PPP2R2C: variants seen among roughly 807,000 people sequenced by gnomAD.
The protein encoded by PPP2R2C is protein phosphatase 2 regulatory subunit Bgamma, also known as protein phosphatase 2, regulatory subunit B, gamma.
PPP2R2C carries 10 observed loss-of-function variants against 45.3 expected under a neutral mutation model. The ratio of observed to expected loss-of-function variants is 0.22; its 90% CI spans 0.14 to 0.37. The LOEUF (loss-of-function observed/expected upper bound fraction) is 0.37. Among genes scored for constraint, PPP2R2C ranks in the 10% least tolerant of loss-of-function variants. PPP2R2C has a pLI of 1.00. For synonymous variants in PPP2R2C, 257 were observed against 245.4 expected, an observed-to-expected ratio of 1.05 and a Z score of -0.44; for missense variants, 308 against 619.7, an observed-to-expected ratio of 0.50 and a Z score of 5.34.
chr4:6,407,690 G>A (rs993034980), intron 1 of PPP2R2C, among the ~76,000 whole-genome samples: 4 of 152,184 alleles, frequency 2.6e-5, no homozygotes, highest in Non-Finnish European at 5.9e-5. Context: ...GTAAGCCACT[G>A]AGCCCGGCCA....
At chr4:6,414,385 G>T (rs1273918064) in intron 1 of PPP2R2C, among the ~76,000 whole-genome samples, 1 of 152,132 alleles carries the variant, frequency 6.6e-6, no homozygotes, top group East Asian at 1.9e-4. Flanking sequence ...TAACAAAAGA[G>T]CTTTCCCATT....
At chr4:6,392,334 C>T (rs966374075) in intron 1 of PPP2R2C, among the ~76,000 whole-genome samples, 6 of 151,680 alleles carry the variant, frequency 4.0e-5, no homozygotes, top group Non-Finnish European at 8.8e-5. Flanking sequence ...AGCCCACTCT[C>T]GAATGGGAGA....
At chr4:6,346,376 C>T (rs1423385145) in intron 6 of PPP2R2C, among the ~76,000 whole-genome samples, 1 of 152,176 alleles carries the variant, frequency 6.6e-6, no homozygotes, top group Non-Finnish European at 1.5e-5. Context: ...CAGAGATCGG[C>T]ACCACCCACC....
intron 1 of PPP2R2C, chr4:6,383,400 C>T (rs1260574146): frequency 4.7e-6 from 6 of 1,289,570 alleles, no homozygotes; most frequent in African/African-American, 1.5e-5. Context: ...CAAAAGGTAC[C>T]TCCTCCCCTT....
intron 1 of PPP2R2C, among the ~76,000 whole-genome samples, chr4:6,410,840 G>GC (rs1560526200): frequency 2.0e-4 from 27 of 133,088 alleles, no homozygotes; most frequent in African/African-American, 7.1e-4. Flanking sequence ...TATTCCCCCT[G>GC]TTTTATTTAT....
At chr4:6,510,766 A>G (rs1407670481) in intron 2 of PPP2R2C, among the ~76,000 whole-genome samples, 1 of 152,130 alleles carries the variant, frequency 6.6e-6, no homozygotes, top group East Asian at 1.9e-4. Context: ...CCCCGAGGTC[A>G]GGAGATAGAG....
intron 5 of PPP2R2C, 93 bp from the exon 6 acceptor site, chr4:6,348,103 C>T (rs1424140088): frequency 9.1e-6 from 13 of 1,425,704 alleles, no homozygotes; most frequent in Admixed American, 5.4e-5. Flanking sequence ...GAGGCAAAAC[C>T]GTCCACCCTC....
intron 2 of PPP2R2C, among the ~76,000 whole-genome samples, chr4:6,482,321 G>A (rs1722382517): frequency 6.6e-6 from 1 of 152,200 alleles, no homozygotes; most frequent in Non-Finnish European, 1.5e-5. Flanking sequence ...TGAGGAAACT[G>A]AGGCACCAAG....
intron 5 of PPP2R2C, among the ~76,000 whole-genome samples, chr4:6,365,452 T>C (rs1006669911): frequency 1.3e-5 from 2 of 151,914 alleles, no homozygotes; most frequent in Non-Finnish European, 2.9e-5. Flanking sequence ...CCAGGCCCCA[T>C]ACTCATCGGC....
At chr4:6,497,508 G>A (rs985615912) in intron 2 of PPP2R2C, among the ~76,000 whole-genome samples, 1 of 152,000 alleles carries the variant, frequency 6.6e-6, no homozygotes, top group Non-Finnish European at 1.5e-5. Flanking sequence ...TCAAACCCTA[G>A]ACAAAAATAA....
At chr4:6,326,075 G>A (rs1731917248) in intron 8 of PPP2R2C, among the ~76,000 whole-genome samples, 1 of 152,234 alleles carries the variant, frequency 6.6e-6, no homozygotes, top group South Asian at 2.1e-4. Flanking sequence ...TTGGGCATGT[G>A]ATATCCCTGT....
chr4:6,368,183 T>G lies in PPP2R2C; in HGVS notation c.625+4340A>C, dbSNP rs13149260. 0.79 allele frequency among the ~76,000 whole-genome samples: 120,066 copies of G among 151,972 alleles called. 51,083 individuals are homozygous for G. The highest frequency in any genetic ancestry group is 1 in the East Asian group (5,161 of 5,162). The stretch of plus-strand genomic sequence containing the variant: ...TTTGGTCAATAATCATTATTTTCAC[T>G]CTCTTGCACACACCATCAGCTCCGT... On this transcript the variant is annotated intron_variant, in intron 5 of 8. Coordinates refer to ENST00000382599, the MANE Select transcript of PPP2R2C (RefSeq NM_020416.4). This position sits in a 1 kb window ranked among gnomAD's most constrained non-coding sequence, Gnocchi z 4.2.
At chr4:6,336,564 C>T (rs914682991) in intron 6 of PPP2R2C, among the ~76,000 whole-genome samples, 6 of 151,738 alleles carry the variant, frequency 4.0e-5, no homozygotes, top group East Asian at 3.9e-4. Context: ...CAGGCAGGGC[C>T]GCAGGCAGCA....
rs576351861 is a variant in PPP2R2C at position 6,334,598 on chromosome 4, G to A, written c.791-867C>T. Among the ~76,000 whole-genome samples the A allele has an allele frequency of 4.3e-4, 66 of 152,244 alleles. 1 individual carries two copies. Among genetic ancestry groups the A allele is most frequent in the Non-Finnish European group, 7.6e-4 (52 of 68,008 alleles). ...GCAGTGACCCTGGGGCTGAAGTAGC[G>A]TGGGGACTAGGACCCCTGTTGGGCC... On this transcript the variant is annotated intron_variant, in intron 6 of 8. Coordinates refer to ENST00000382599, the MANE Select transcript of PPP2R2C (RefSeq NM_020416.4).
intron 6 of PPP2R2C, among the ~76,000 whole-genome samples, chr4:6,337,114 A>ATATG (rs1368918557): frequency 5.2e-5 from 1 of 19,160 alleles, no homozygotes; most frequent in Non-Finnish European, 9.2e-5. Context: ...GTGTGTGTGT[A>ATATG]TATATATATA....
At position 6,472,412 on chromosome 4, in the gene PPP2R2C, G is replaced by C. The variant is rs1212330341; in HGVS notation, c.-183C>G. ...GGGGCGGCCGGGGGCGGGCGCCGCG[G>C]TCAAGCGAGCGCGCGGTGGGCGGGC... On this transcript the variant is annotated 5_prime_UTR_variant, in exon 1 of 9. Transcript: ENST00000382599. 2 of 807,768 alleles carry C rather than the reference G, an allele frequency of 2.5e-6. No individual in the cohort carries two copies. The highest frequency in any genetic ancestry group is 2.5e-4 in the East Asian group (2 of 7,848). 50.0% of individuals were successfully genotyped at this position (807,768 alleles called of 1,614,324 possible). A position where few individuals can be genotyped will look rare whatever the true frequency, so the allele number is the denominator to read the frequency against.
intron 1 of PPP2R2C, among the ~76,000 whole-genome samples, chr4:6,395,659 C>T (rs6849998): frequency 0.091 from 13,835 of 152,222 alleles, 776 homozygotes; most frequent in Non-Finnish European, 0.12. Context: ...ATGCCAAGGG[C>T]GCAGACCCGC....
chr4:6,418,467 C>T (rs1345562373), intron 1 of PPP2R2C, among the ~76,000 whole-genome samples: 1 of 152,270 alleles, frequency 6.6e-6, no homozygotes, highest in African/African-American at 2.4e-5. Context: ...CTATCACCAG[C>T]TCGCACGCTT....
intron 1 of PPP2R2C, chr4:6,383,468 T>G: frequency 7.8e-7 from 1 of 1,281,768 alleles, no homozygotes; most frequent in Non-Finnish European, 1.0e-6. Flanking sequence ...CCAGGCTCCT[T>G]GCCCTTTCCC....
Sources: allele counts gnomAD v4.1 joint callset (sites outside exome capture counted in the v4.1 genomes callset), GRCh38; gene constraint gnomAD v4.1.1; non-coding constraint Gnocchi (gnomAD v3.1); transcripts MANE v1.5; gene names NCBI Gene and HGNC (gene_info 2026-07-23, HGNC 2026-07-21).